PON2: variants seen among roughly 807,000 people sequenced by gnomAD.
The protein encoded by PON2 is serum paraoxonase/arylesterase 2.
PON2 carries 27 observed loss-of-function variants against 36.6 expected under a neutral mutation model. The observed-to-expected ratio is 0.74, with a 90% CI of 0.54 to 1.02. The LOEUF (loss-of-function observed/expected upper bound fraction) is 1.02. PON2 is among the 50% of genes least tolerant of loss of function. PON2 has a pLI of 0.00. For missense variants in PON2, 363 were observed against 421.1 expected (o/e 0.86, Z 1.21); for synonymous variants, 149 against 156.3 (o/e 0.95, Z 0.35).
At chr7:95,434,151 G>A (rs1437506756) in intron 1 of PON2, 1 of 152,230 alleles carries the variant, frequency 6.6e-6, no homozygotes, top group Non-Finnish European at 1.5e-5. Flanking sequence ...GAGTGCAAGA[G>A]TTAGGGAACA....
At chr7:95,432,273 G>T (rs1043651346) in intron 1 of PON2, among the ~76,000 whole-genome samples, 1 of 152,140 alleles carries the variant, frequency 6.6e-6, no homozygotes, top group African/African-American at 2.4e-5. Context: ...AGCTGGGCAT[G>T]GTAGCATGCA....
In PON2 at chr7:95,434,955, G is replaced by T; in HGVS notation, c.-4C>A. 6.6e-7 allele frequency: 1 copy of T among 1,524,962 alleles called. No homozygotes were observed. 94.5% of individuals were successfully genotyped at this position (1,524,962 alleles called of 1,614,324 possible). On this transcript the variant is annotated 5_prime_UTR_variant, in exon 1 of 9. Transcript: ENST00000222572. ...CCACAGCCACCAGCCGCCCCATGGC[G>T]CGGGAGCCGGGCGCGCTGCCTCGCT...
chr7:95,422,718 A>G (rs931865610), intron 2 of PON2, among the ~76,000 whole-genome samples: 8 of 152,214 alleles, frequency 5.3e-5, no homozygotes, highest in African/African-American at 1.4e-4. Context: ...TTTAATTTCT[A>G]AAGAGTAAAA....
chr7:95,409,913 G>A lies in PON2; in HGVS notation c.683C>T (p.Ser228Leu), dbSNP rs1788879778. The change falls in exon 6 of 9, where the codon TCA becomes TTA. Residue 228 changes from serine (S) to leucine (L), a missense_variant. Coordinates refer to ENST00000222572, the MANE Select transcript of PON2 (RefSeq NM_000305.3). ...TAAGGGGCCATACTTATCATCAGGTGAAATATTGATCCCATTTGCTGAATC... is the reference window on the plus strand; with the variant it reads ...TAAGGGGCCATACTTATCATCAGGTAAAATATTGATCCCATTTGCTGAATC... ...GFDSANGINISPDDKYIYVAD... is the reference protein window; with the variant it reads ...GFDSANGINILPDDKYIYVAD... 1.2e-6 allele frequency: 2 copies of A among 1,612,972 alleles called. No homozygotes were observed. Among genetic ancestry groups the A allele is most frequent in the East Asian group, 2.2e-5 (1 of 44,872 alleles).
intron 3 of PON2, among the ~76,000 whole-genome samples, chr7:95,414,894 G>A (rs1034432608): frequency 6.6e-6 from 1 of 152,098 alleles, no homozygotes; most frequent in African/African-American, 2.4e-5. Flanking sequence ...TTCTGCTAAA[G>A]CCCACAGTAT....
intron 3 of PON2, chr7:95,415,834 C>A (rs958070110): frequency 3.1e-5 from 6 of 193,872 alleles, no homozygotes; most frequent in African/African-American, 1.4e-4. Context: ...CGCCTGTAAT[C>A]CCAGCTACTC....
At chr7:95,434,830 C>G (rs1443669078) in intron 1 of PON2, 48 bp downstream of exon 1, 2 of 1,526,864 alleles carry the variant, frequency 1.3e-6, no homozygotes. Context: ...ACGCGGCCAC[C>G]CCGAGCCTGG....
chr7:95,424,452 G>T (rs1789266427), intron 2 of PON2, 63 bp downstream of exon 2: 1 of 1,270,668 alleles, frequency 7.9e-7, no homozygotes, highest in South Asian at 1.2e-5. Context: ...TGCCATTAAT[G>T]AGTGTTTTAA....
intron 1 of PON2, among the ~76,000 whole-genome samples, chr7:95,426,999 G>GT (rs1002311051): frequency 1.3e-5 from 2 of 152,122 alleles, no homozygotes; most frequent in African/African-American, 2.4e-5. Context: ...TTAGGTTTGC[G>GT]TAAGTAATTG....
intron 1 of PON2, among the ~76,000 whole-genome samples, chr7:95,429,974 A>T (rs556107856): frequency 6.6e-6 from 1 of 152,330 alleles, no homozygotes; most frequent in East Asian, 1.9e-4. Flanking sequence ...GGCTGAGGCG[A>T]CAGGTTCAGC....
In PON2 at chr7:95,409,893, G is replaced by A. The variant is rs1181693181; in HGVS notation, c.695+8C>T. 1 of 1,610,284 alleles carries A rather than the reference G, an allele frequency of 6.2e-7. No individual in the cohort carries two copies. Among genetic ancestry groups the A allele is most frequent in the Non-Finnish European group, 8.5e-7 (1 of 1,177,970 alleles). ...AGAAAAATGAAGATATTCTATAAGG[G>A]GCCATACTTATCATCAGGTGAAATA... is the stretch of plus-strand genomic sequence containing the variant. On this transcript the variant is annotated splice_region_variant and intron_variant, in intron 6 of 8. Coordinates refer to ENST00000222572, the MANE Select transcript of PON2 (RefSeq NM_000305.3).
intron 1 of PON2, among the ~76,000 whole-genome samples, 187 bp downstream of exon 1, chr7:95,434,691 G>A (rs901095227): frequency 5.9e-5 from 9 of 152,190 alleles, no homozygotes; most frequent in African/African-American, 2.2e-4. Context: ...TTTTTCACTA[G>A]AAGCGGAGAG....
intron 4 of PON2, among the ~76,000 whole-genome samples, chr7:95,412,063 C>T (rs1160987912): frequency 1.3e-5 from 2 of 152,062 alleles, no homozygotes; most frequent in South Asian, 2.1e-4. Context: ...ATGTGATGAT[C>T]GTAGGTATAT....
chr7:95,434,265 T>C (rs925603846), intron 1 of PON2: 1 of 152,200 alleles, frequency 6.6e-6, no homozygotes, highest in African/African-American at 2.4e-5. Context: ...CTACCAGAGA[T>C]TTTCATTAAA....
chr7:95,421,823 A>T (rs1224903646), intron 2 of PON2, among the ~76,000 whole-genome samples: 1 of 152,190 alleles, frequency 6.6e-6, no homozygotes, highest in Non-Finnish European at 1.5e-5. Flanking sequence ...AGAAAAAAAG[A>T]AAGGGAGGCA....
chr7:95,406,169 TA>T lies in PON2; in HGVS notation c.855del (p.Asn286MetfsTer31). ...SSGDIWVGCHPNGQKLFVYDP... is the reference protein window; with the variant it reads ...SSGDIWVGCHXNGQKLFVYDP... ...TCATACACGAAGAGCTTCTGGCCAT[TA>T]GGATGACAGCCTACCCAGATGTCCC... On this transcript the variant is annotated frameshift_variant, in exon 8 of 9. Coordinates refer to ENST00000222572, the MANE Select transcript of PON2 (RefSeq NM_000305.3). LOFTEE classifies it high-confidence loss of function. 1 of 1,613,756 alleles carries T rather than the reference TA, an allele frequency of 6.2e-7. No individual in the cohort carries two copies. Among genetic ancestry groups the T allele is most frequent in the South Asian group, 1.1e-5 (1 of 91,074 alleles).
chr7:95,406,306 A>T lies in PON2; in HGVS notation c.778-59T>A. 1.9e-6 allele frequency: 3 copies of T among 1,558,734 alleles called. No individual in the cohort carries two copies. The Admixed American group carries it at 5.0e-5, about 26-fold the overall frequency. On this transcript the variant is annotated intron_variant, in intron 7 of 8. Transcript: ENST00000222572. ...CATGAGAAACTTGATTAAATAATTT[A>T]GAGGTAACCTTCCTGCCTCTATGCA...
In PON2 at chr7:95,434,954, C is replaced by G. The variant is rs1225164908; in HGVS notation, c.-3G>C. On this transcript the variant is annotated 5_prime_UTR_variant, in exon 1 of 9. Transcript: ENST00000222572. Reference sequence around the variant, plus strand: ...CCCACAGCCACCAGCCGCCCCATGGCGCGGGAGCCGGGCGCGCTGCCTCGC... The same window carrying G: ...CCCACAGCCACCAGCCGCCCCATGGGGCGGGAGCCGGGCGCGCTGCCTCGC... 4 of 1,524,934 alleles carry G rather than the reference C, an allele frequency of 2.6e-6. No homozygotes were observed. In the Admixed American group the frequency reaches 8.0e-5, roughly 31 times the overall value. The allele number at this position is 1,524,934 out of a possible 1,614,324, so 94.5% of individuals were successfully genotyped here. A position where few individuals can be genotyped will look rare whatever the true frequency, so the allele number is the denominator to read the frequency against.
Position 95,406,125 on chromosome 7 carries a change from C to G in PON2, c.900G>C (p.Ser300=), listed in dbSNP as rs191021241. Residue 300 remains serine (S), a synonymous_variant, in exon 8 of 9, where the codon TCG becomes TCC. Coordinates refer to ENST00000222572, the MANE Select transcript of PON2 (RefSeq NM_000305.3). The part of the protein sequence containing the change: ...LFVYDPNNPP[S]SEVLRIQNIL... ...AAACTGAAAATATAAAAACCTCTGA[C>G]GAGGGAGGATTGTTCGGGTCATACA... The G allele has an allele frequency of 5.0e-6, 8 of 1,613,502 alleles. No individual in the cohort carries two copies. The African/African-American group carries it at 1.1e-4, about 22-fold the overall frequency.
Sources: gnomAD v4.1 joint callset for allele counts (sites outside exome capture counted in the v4.1 genomes callset) on GRCh38, gnomAD v4.1.1 for gene constraint, MANE v1.5 for transcripts, NCBI Gene and HGNC (gene_info 2026-07-23, HGNC 2026-07-21) for gene names.